The following NCS1 variants were observed in gnomAD, a reference collection of about 807,000 sequenced individuals.
NCS1 encodes the protein frequenin homolog.
A neutral mutation model predicts 28.4 loss-of-function variants in NCS1; 6 were observed. That is an observed-to-expected ratio of 0.21 (90% CI 0.12 to 0.42). The LOEUF is 0.42. Ranked by LOEUF, NCS1 falls within the 10% of genes least tolerant of loss-of-function variation. NCS1 has a pLI of 1.00. For missense variants in NCS1, 131 were observed against 241.4 expected, an observed-to-expected ratio of 0.54 and a Z score of 3.03; for synonymous variants, 86 against 99.3, an observed-to-expected ratio of 0.87 and a Z score of 0.79.
At chr9:130,187,395 C>T (rs1200792213) in intron 1 of NCS1, among the ~76,000 whole-genome samples, 1 of 152,162 alleles carries the variant, frequency 6.6e-6, no homozygotes, top group South Asian at 2.1e-4. Context: ...AGCCTCCACC[C>T]TCCGCTCTTA....
At chr9:130,208,388 C>T (rs1833058774) in intron 2 of NCS1, among the ~76,000 whole-genome samples, 1 of 152,004 alleles carries the variant, frequency 6.6e-6, no homozygotes, top group African/African-American at 2.4e-5. Flanking sequence ...AAACGATTCT[C>T]CTGCCTCAGC....
At chr9:130,198,181 G>C (rs1832899763) in intron 1 of NCS1, among the ~76,000 whole-genome samples, 1 of 152,210 alleles carries the variant, frequency 6.6e-6, no homozygotes, top group African/African-American at 2.4e-5. Flanking sequence ...TCTGTGGGGG[G>C]ACCTTTCCAA....
rs185377387 is a variant in NCS1, at chr9:130,181,574, C to T, written c.64+8847C>T. On this transcript the variant is annotated intron_variant, in intron 1 of 7. Coordinates refer to ENST00000372398, the MANE Select transcript of NCS1 (RefSeq NM_014286.4). The surrounding 1 kb of genome is among the most constrained non-coding windows in gnomAD (Gnocchi z 5.0). ...GGATGAGAGCTGGCTCATGGTCCCA[C>T]GGCTGGAGAGTGGTGCCATTGGGGT... Among the ~76,000 whole-genome samples the T allele has an allele frequency of 3.7e-4, 57 of 152,312 alleles. 1 individual carries two copies. In the East Asian group the frequency reaches 9.5e-3, roughly 25 times the overall value.
intron 2 of NCS1, among the ~76,000 whole-genome samples, chr9:130,212,454 C>T (rs1160109302): frequency 6.7e-6 from 1 of 150,144 alleles, no homozygotes; most frequent in Non-Finnish European, 1.5e-5. Flanking sequence ...CGACAGCGAC[C>T]TGGCCCCGAA....
chr9:130,187,302 T>C (rs1832750836), intron 1 of NCS1, among the ~76,000 whole-genome samples: 1 of 152,140 alleles, frequency 6.6e-6, no homozygotes, highest in South Asian at 2.1e-4. Flanking sequence ...CTGCCATCCC[T>C]GGGTCCTCCT....
rs1205249534 is a variant in NCS1, at chr9:130,223,020, C to T, written c.397-62C>T. On this transcript the variant is annotated intron_variant, in intron 5 of 7. Coordinates refer to ENST00000372398, the MANE Select transcript of NCS1 (RefSeq NM_014286.4). ...AACTGCCAGGTCTGGGGGGCAAATGCGTGGCCAAGAGCCCAAAGCCCAGAG... is the reference window on the plus strand; with the variant it reads ...AACTGCCAGGTCTGGGGGGCAAATGTGTGGCCAAGAGCCCAAAGCCCAGAG... The T allele has an allele frequency of 6.3e-5, 90 of 1,435,010 alleles. No individual in the cohort carries two copies. The African/African-American group carries it at 1.0e-3, about 17-fold the overall frequency. The allele number at this position is 1,435,010 out of a possible 1,614,324, so 88.9% of individuals were successfully genotyped here. A position where few individuals can be genotyped will look rare whatever the true frequency, so the allele number is the denominator to read the frequency against.
At chr9:130,193,498 G>A (rs1554906463) in intron 1 of NCS1, among the ~76,000 whole-genome samples, 8 of 152,158 alleles carry the variant, frequency 5.3e-5, no homozygotes. Context: ...GATGGGACTT[G>A]TCTGCAGTTG....
chr9:130,202,353 CACCCCCTGAAA>C (rs1832961547), intron 2 of NCS1, among the ~76,000 whole-genome samples: 1 of 144,192 alleles, frequency 6.9e-6, no homozygotes, highest in African/African-American at 2.5e-5. Context: ...CCCTCCCCCC[CACCCCCTGAAA>C]CCCCCCAGGC....
At chr9:130,204,580 C>A (rs1260166147) in intron 2 of NCS1, among the ~76,000 whole-genome samples, 1 of 152,316 alleles carries the variant, frequency 6.6e-6, no homozygotes, top group South Asian at 2.1e-4. Flanking sequence ...CGAGCCACTG[C>A]GCCCGCCTCT....
Position 130,219,776 on chromosome 9 carries a change from C to CG in NCS1, c.284dup (p.Thr96AsnfsTer4). On this transcript the variant is annotated frameshift_variant, in exon 4 of 8. Transcript: ENST00000372398. LOFTEE classifies it high-confidence loss of function. The surrounding 1 kb of genome is among the most constrained non-coding windows in gnomAD (Gnocchi z 5.7). ...CATCCAGGCGCTGTCGGTGACCTCACGGGGAACCCTGGATGAGAAGCTACG... is the reference window on the plus strand; with the variant it reads ...CATCCAGGCGCTGTCGGTGACCTCACGGGGGAACCCTGGATGAGAAGCTACG... 1.2e-6 allele frequency: 2 copies of CG among 1,614,230 alleles called. No individual in the cohort carries two copies. The highest frequency in any genetic ancestry group is 1.7e-6 in the Non-Finnish European group (2 of 1,180,046).
rs1554904999 is a variant in NCS1, at chr9:130,180,013, A to G, written c.64+7286A>G. Among the ~76,000 whole-genome samples, 4 of 143,962 alleles carry G rather than the reference A, an allele frequency of 2.8e-5. No individual in the cohort carries two copies. The highest frequency in any genetic ancestry group is 6.8e-5 in the Admixed American group (1 of 14,610). The allele number at this position is 143,962 out of a possible 152,430, so 94.4% of individuals were successfully genotyped here. A position where few individuals can be genotyped will look rare whatever the true frequency, so the allele number is the denominator to read the frequency against. Reference sequence around the variant, plus strand: ...CTTCTTTTTATCTATCTATCTATCTATCTATCTATCTATCTATCTATCTAT... The same window carrying G: ...CTTCTTTTTATCTATCTATCTATCTGTCTATCTATCTATCTATCTATCTAT... On this transcript the variant is annotated intron_variant, in intron 1 of 7. Coordinates refer to ENST00000372398, the MANE Select transcript of NCS1 (RefSeq NM_014286.4). This position sits in a 1 kb window ranked among gnomAD's most constrained non-coding sequence, Gnocchi z 4.5.
intron 2 of NCS1, among the ~76,000 whole-genome samples, chr9:130,214,155 T>G (rs2131147418): frequency 6.6e-6 from 1 of 152,216 alleles, no homozygotes; most frequent in South Asian, 2.1e-4. Context: ...TGGAGGCACA[T>G]ATGGTATAGC....
intron 4 of NCS1, among the ~76,000 whole-genome samples, chr9:130,221,397 T>TAGAG (rs1833291137): frequency 1.8e-4 from 11 of 61,210 alleles, no homozygotes; most frequent in South Asian, 4.9e-4. Context: ...TATATATATA[T>TAGAG]ATATATATAT....
chr9:130,224,503 A>G (rs1833385242), intron 6 of NCS1, among the ~76,000 whole-genome samples: 1 of 150,950 alleles, frequency 6.6e-6, no homozygotes, highest in South Asian at 2.1e-4. Context: ...GGTTGCAGTG[A>G]GCCGAGATCA....
In NCS1 at chr9:130,191,347, T is replaced by G. The variant is rs1438592578; in HGVS notation, c.65-9611T>G. On this transcript the variant is annotated intron_variant, in intron 1 of 7. Coordinates refer to ENST00000372398, the MANE Select transcript of NCS1 (RefSeq NM_014286.4). This position sits in a 1 kb window ranked among gnomAD's most constrained non-coding sequence, Gnocchi z 6.4. Reference sequence around the variant, plus strand: ...TGAAGGTTACCTGGCCTGGCCCGAGTCTGCCCTCCGGGGCCAGGGACTCCA... The same window carrying G: ...TGAAGGTTACCTGGCCTGGCCCGAGGCTGCCCTCCGGGGCCAGGGACTCCA... Among the ~76,000 whole-genome samples, 1 of 151,940 alleles carries G rather than the reference T, an allele frequency of 6.6e-6. No homozygotes were observed. Among genetic ancestry groups the G allele is most frequent in the Non-Finnish European group, 1.5e-5 (1 of 67,944 alleles).
In NCS1 at chr9:130,201,585, A is replaced by C. The variant is rs1832948132; in HGVS notation, c.89+603A>C. Reference sequence around the variant, plus strand: ...GCGGTGTATTGTCCGTCTTTGTGGAATGTGGAGCAGACAGGAGGCTCACCA... The same window carrying C: ...GCGGTGTATTGTCCGTCTTTGTGGACTGTGGAGCAGACAGGAGGCTCACCA... On this transcript the variant is annotated intron_variant, in intron 2 of 7. Coordinates refer to ENST00000372398, the MANE Select transcript of NCS1 (RefSeq NM_014286.4). Among the ~76,000 whole-genome samples, 2 of 152,106 alleles carry C rather than the reference A, an allele frequency of 1.3e-5. 1 individual carries two copies. Among genetic ancestry groups the C allele is most frequent in the African/African-American group, 4.8e-5 (2 of 41,418 alleles).
intron 1 of NCS1, among the ~76,000 whole-genome samples, chr9:130,182,223 C>T (rs1170691688): frequency 6.6e-6 from 1 of 152,202 alleles, no homozygotes; most frequent in Non-Finnish European, 1.5e-5. Context: ...GCCCAAGTCC[C>T]CCCAGCCAGC....
Position 130,181,609 on chromosome 9 carries a change from G to A in NCS1, c.64+8882G>A, listed in dbSNP as rs782353455. On this transcript the variant is annotated intron_variant, in intron 1 of 7. Coordinates refer to ENST00000372398, the MANE Select transcript of NCS1 (RefSeq NM_014286.4). The surrounding 1 kb of genome is among the most constrained non-coding windows in gnomAD (Gnocchi z 5.0). ...GTGGTGCCATTGGGGTCTGATCCCC[G>A]TCCCCTCTCAGCCTGGAGTCTGCAC... 1.3e-5 allele frequency among the ~76,000 whole-genome samples: 2 copies of A among 152,104 alleles called. No individual in the cohort carries two copies. Among genetic ancestry groups the A allele is most frequent in the African/African-American group, 4.8e-5 (2 of 41,422 alleles).
intron 2 of NCS1, among the ~76,000 whole-genome samples, chr9:130,207,786 A>G (rs1376223156): frequency 2.6e-5 from 4 of 152,154 alleles, no homozygotes; most frequent in African/African-American, 7.2e-5. Context: ...TGGGCATCCC[A>G]CGGTGCCAGC....
Sources: allele counts gnomAD v4.1 joint callset (sites outside exome capture counted in the v4.1 genomes callset), GRCh38; gene constraint gnomAD v4.1.1; non-coding constraint Gnocchi (gnomAD v3.1); transcripts MANE v1.5; gene names NCBI Gene and HGNC (gene_info 2026-07-23, HGNC 2026-07-21).